Variants in AGPAT2 observed in about 807,000 individuals in gnomAD.
The protein encoded by AGPAT2 is 1-acyl-sn-glycerol-3-phosphate acyltransferase beta.
AGPAT2 carries 18 observed loss-of-function variants against 26.1 expected under a neutral mutation model. The ratio of observed to expected loss-of-function variants is 0.69; its 90% CI spans 0.48 to 1.02. The LOEUF is 1.02. Among genes scored for constraint, AGPAT2 ranks in the 50% least tolerant of loss-of-function variants. AGPAT2 has a pLI of 0.00. For missense variants in AGPAT2, 415 were observed against 394.9 expected (o/e 1.05, Z -0.43); for synonymous variants, 200 against 174.2 (o/e 1.15, Z -1.16).
chr9:136,687,344 G>A lies in AGPAT2; in HGVS notation c.14C>T (p.Pro5Leu), dbSNP rs567515545. 2 of 1,545,296 alleles carry A rather than the reference G, an allele frequency of 1.3e-6. No homozygotes were observed. Among genetic ancestry groups the A allele is most frequent in the East Asian group, 2.6e-5 (1 of 38,396 alleles). MELW[P>L]CLAAALLLLL... ...CAACAGCAGCGCCGCGGCCAGACAC[G>A]GCCACAGCTCCATGGCCCGGCCCGG... The change falls in exon 1 of 6, where the codon CCG (proline) becomes CTG (leucine). Residue 5 changes from proline to leucine, a missense_variant. Coordinates refer to ENST00000371696, the MANE Select transcript of AGPAT2 (RefSeq NM_006412.4).
At chr9:136,685,883 A>G (rs1477714095) in intron 1 of AGPAT2, among the ~76,000 whole-genome samples, 4 of 151,636 alleles carry the variant, frequency 2.6e-5, no homozygotes, top group African/African-American at 9.7e-5. Flanking sequence ...GCCCCCAGGA[A>G]CTCCCTGTTT....
At chr9:136,681,707 C>T (rs1232701537) in intron 1 of AGPAT2, among the ~76,000 whole-genome samples, 3 of 152,150 alleles carry the variant, frequency 2.0e-5, no homozygotes, top group African/African-American at 7.2e-5. Flanking sequence ...GAGGCTGAGG[C>T]GGGAGAATCA....
Position 136,673,947 on chromosome 9 carries a change from C to T in AGPAT2, c.662-20G>A, listed in dbSNP as rs1041789611. On this transcript the variant is annotated intron_variant, in intron 5 of 5. Transcript: ENST00000371696. ...CTGTTCCTGTGGGGGAAGCAACAGA[C>T]CTCAGTGGCCTGTGGGGAGCTGGGG... 3 of 1,509,408 alleles carry T rather than the reference C, an allele frequency of 2.0e-6. No individual in the cohort carries two copies. The highest frequency in any genetic ancestry group is 2.7e-6 in the Non-Finnish European group (3 of 1,121,936). The allele number at this position is 1,509,408 out of a possible 1,614,324, so 93.5% of individuals were successfully genotyped here.
intron 3 of AGPAT2, 62 bp from the exon 4 acceptor site, chr9:136,676,742 G>A (rs1407391895): frequency 3.9e-5 from 59 of 1,496,432 alleles, no homozygotes; most frequent in Middle Eastern, 3.4e-4. Context: ...AGGCCACGCC[G>A]CCTCGCCTCC....
intron 1 of AGPAT2, 141 bp downstream of exon 1, chr9:136,687,035 G>A (rs987745326): frequency 9.4e-6 from 9 of 956,788 alleles, no homozygotes; most frequent in African/African-American, 5.3e-5. Context: ...TGTGCCTGCC[G>A]CCGGCCCAGG....
rs115849239 is a variant in AGPAT2 at position 136,678,550 on chromosome 9, G to A, written c.183-994C>T. On this transcript the variant is annotated intron_variant, in intron 1 of 5. Coordinates refer to ENST00000371696, the MANE Select transcript of AGPAT2 (RefSeq NM_006412.4). The stretch of plus-strand genomic sequence containing the variant: ...ATGGCCGGGGCAAGGCTGTGCCAGC[G>A]CTGACTGGGGGGCTGCCAGTGCTGC... 8.2e-3 allele frequency among the ~76,000 whole-genome samples: 1,241 copies of A among 152,264 alleles called. 13 individuals carry two copies. The highest frequency in any genetic ancestry group is 0.029 in the African/African-American group (1,202 of 41,562).
At chr9:136,674,633 G>A (rs1488240115) in intron 5 of AGPAT2, 102 bp downstream of exon 5, 21 of 901,226 alleles carry the variant, frequency 2.3e-5, no homozygotes, top group African/African-American at 5.2e-5. Flanking sequence ...GTGTGGCCAC[G>A]CCACGGGTGC....
Position 136,673,593 on chromosome 9 carries a change from A to G in AGPAT2, c.*159T>C, listed in dbSNP as rs886913580. On this transcript the variant is annotated 3_prime_UTR_variant, in exon 6 of 6. Transcript: ENST00000371696. ...AGGGGACACCAGGGGCCTGTGTCTG[A>G]GGCCAGTGACAGAAGGGGCTTCCTG... is the stretch of plus-strand genomic sequence containing the variant. 2 of 817,508 alleles carry G rather than the reference A, an allele frequency of 2.4e-6. No homozygotes were observed. Among genetic ancestry groups the G allele is most frequent in the Non-Finnish European group, 3.6e-6 (2 of 560,728 alleles). 50.6% of individuals were successfully genotyped at this position (817,508 alleles called of 1,614,324 possible).
intron 1 of AGPAT2, among the ~76,000 whole-genome samples, chr9:136,677,890 C>T (rs1011377669): frequency 6.6e-6 from 1 of 152,198 alleles, no homozygotes; most frequent in South Asian, 2.1e-4. Flanking sequence ...GGGACCCAGC[C>T]GGAAAGGAAC....
chr9:136,674,777 A>G lies in AGPAT2; in HGVS notation c.619T>C (p.Phe207Leu). The change falls in exon 5 of 6, where the codon TTC (phenylalanine) becomes CTC (leucine). Residue 207 changes from phenylalanine (F) to leucine (L), a missense_variant. Coordinates refer to ENST00000371696, the MANE Select transcript of AGPAT2 (RefSeq NM_006412.4). ...VPIVPVVYSSFSSFYNTKKKF... is the reference protein window; with the variant it reads ...VPIVPVVYSSLSSFYNTKKKF... The stretch of plus-strand genomic sequence containing the variant: ...TTCTTGGTGTTGTAGAAGGAGGAGA[A>G]GGAAGAGTACACCACGGGGACGATG... 1 of 1,538,008 alleles carries G rather than the reference A, an allele frequency of 6.5e-7. No homozygotes were observed. The highest frequency in any genetic ancestry group is 1.4e-5 in the African/African-American group (1 of 71,400).
chr9:136,682,271 G>A (rs538708126), intron 1 of AGPAT2, among the ~76,000 whole-genome samples: 4 of 152,124 alleles, frequency 2.6e-5, no homozygotes, highest in Non-Finnish European at 5.9e-5. Flanking sequence ...AGCTTGCTCC[G>A]GCCTCCCCCA....
chr9:136,674,415 G>C (rs1305883400), intron 5 of AGPAT2, among the ~76,000 whole-genome samples: 1 of 152,252 alleles, frequency 6.6e-6, no homozygotes, highest in Non-Finnish European at 1.5e-5. Flanking sequence ...CCCTATGCGG[G>C]CATCAGCCTG....
At chr9:136,679,014 A>G (rs1035409164) in intron 1 of AGPAT2, among the ~76,000 whole-genome samples, 1 of 152,172 alleles carries the variant, frequency 6.6e-6, no homozygotes, top group Non-Finnish European at 1.5e-5. Flanking sequence ...TCGGCCTCCC[A>G]AAGTGCTGGG....
intron 3 of AGPAT2, 87 bp downstream of exon 3, chr9:136,676,874 C>T: frequency 6.6e-7 from 1 of 1,521,610 alleles, no homozygotes. Flanking sequence ...CTTGTTTTTT[C>T]TGCCAAAACC....
Position 136,677,084 on chromosome 9 carries a change from C to G in AGPAT2, c.369G>C (p.Leu123=), listed in dbSNP as rs771300589. 1.7e-5 allele frequency: 27 copies of G among 1,613,088 alleles called. No homozygotes were observed. The highest frequency in any genetic ancestry group is 2.2e-5 in the Non-Finnish European group (26 of 1,179,994). Residue 123 remains leucine (L), a synonymous_variant, in exon 3 of 6, where the codon CTG becomes CTC. Transcript: ENST00000371696. ...ERCVQIAKRE[L]LFLGPVGLIM... ...TGAGGCCCACGGGCCCCAGGAAGAGCAGCTCCCGCTTGGCGATCTGCACGC... is the reference window on the plus strand; with the variant it reads ...TGAGGCCCACGGGCCCCAGGAAGAGGAGCTCCCGCTTGGCGATCTGCACGC...
At chr9:136,676,928 C>G (rs1846097480) in intron 3 of AGPAT2, 33 bp downstream of exon 3, 1 of 1,606,774 alleles carries the variant, frequency 6.2e-7, no homozygotes, top group African/African-American at 1.3e-5. Context: ...AGGCCCCACC[C>G]CAACCCCACC....
chr9:136,682,936 A>T (rs2026447), intron 1 of AGPAT2, among the ~76,000 whole-genome samples: 152,111 of 152,180 alleles, frequency 1, 76,021 homozygotes, highest in Middle Eastern at 1. Context: ...CCTCGGGCAA[A>T]GCATTTGACC....
Position 136,685,539 on chromosome 9 carries a change from G to C in AGPAT2, c.182+1637C>G, listed in dbSNP as rs141943470. Among the ~76,000 whole-genome samples, 421 of 152,354 alleles carry C rather than the reference G, an allele frequency of 2.8e-3. 6 individuals carry two copies. Among genetic ancestry groups the C allele is most frequent in the East Asian group, 0.019 (100 of 5,190 alleles). On this transcript the variant is annotated intron_variant, in intron 1 of 5. Coordinates refer to ENST00000371696, the MANE Select transcript of AGPAT2 (RefSeq NM_006412.4). The stretch of plus-strand genomic sequence containing the variant: ...CCGTGGCCTGTGGCCTGGCTCAGTA[G>C]TGGGGTCTGCTCCAGGGTCTCCTAA...
Position 136,687,359 on chromosome 9 carries a change from GC to G in AGPAT2, c.-3del. On this transcript the variant is annotated 5_prime_UTR_variant, in exon 1 of 6. Coordinates refer to ENST00000371696, the MANE Select transcript of AGPAT2 (RefSeq NM_006412.4). Reference sequence around the variant, plus strand: ...GGCCAGACACGGCCACAGCTCCATGGCCCGGCCCGGCGCCCGACGGCGCCGC... The same window carrying G: ...GGCCAGACACGGCCACAGCTCCATGGCCGGCCCGGCGCCCGACGGCGCCGC... 2 of 1,476,796 alleles carry G rather than the reference GC, an allele frequency of 1.4e-6. No homozygotes were observed. The highest frequency in any genetic ancestry group is 1.8e-6 in the Non-Finnish European group (2 of 1,121,492). The allele number at this position is 1,476,796 out of a possible 1,614,324, so 91.5% of individuals were successfully genotyped here. A position where few individuals can be genotyped will look rare whatever the true frequency, so the allele number is the denominator to read the frequency against.
Sources: allele counts gnomAD v4.1 joint callset (sites outside exome capture counted in the v4.1 genomes callset), GRCh38; gene constraint gnomAD v4.1.1; transcripts MANE v1.5; gene names NCBI Gene and HGNC (gene_info 2026-07-23, HGNC 2026-07-21).